The following PNPLA7 variants were observed in gnomAD, a reference collection of about 807,000 sequenced individuals.
PNPLA7 encodes patatin-like phospholipase domain-containing protein 7.
PNPLA7 carries 153 observed loss-of-function variants against 161.7 expected under a neutral mutation model. That is an observed-to-expected ratio of 0.95 (90% CI 0.83 to 1.08). PNPLA7 has a LOEUF of 1.08. Among genes scored for constraint, PNPLA7 ranks in the 50% least tolerant of loss-of-function variants. The pLI, the probability that PNPLA7 is intolerant of heterozygous loss-of-function variation, is 0.00. For synonymous variants in PNPLA7, 809 were observed against 782.1 expected (o/e 1.03, Z -0.57); for missense variants, 1,739 against 1,856.6 (o/e 0.94, Z 1.16).
chr9:137,536,315 G>A (rs1379470758), intron 8 of PNPLA7, among the ~76,000 whole-genome samples: 3 of 152,156 alleles, frequency 2.0e-5, no homozygotes, highest in Admixed American at 1.3e-4. Context: ...GGCCGAGAAA[G>A]CAGCAGCAAG....
chr9:137,509,214 G>C (rs1433889286), intron 12 of PNPLA7: 1 of 155,322 alleles, frequency 6.4e-6, no homozygotes, highest in African/African-American at 2.4e-5. Context: ...AGTGAGTTTA[G>C]CGGGTACGAG....
At position 137,507,606 on chromosome 9, in the gene PNPLA7, T is replaced by C. The variant is rs533252021; in HGVS notation, c.1226-1523A>G. On this transcript the variant is annotated intron_variant, in intron 12 of 34. Coordinates refer to ENST00000406427, the MANE Select transcript of PNPLA7 (RefSeq NM_001098537.3). ...ATCCCTTGAACCCAGGAGGCAGAGG[T>C]TGCGGTGAGCTGAGATCGCACCATT... Among the ~76,000 whole-genome samples, 66 of 151,872 alleles carry C rather than the reference T, an allele frequency of 4.3e-4. 1 individual carries two copies. The highest frequency in any genetic ancestry group is 9.1e-4 in the Non-Finnish European group (62 of 67,922).
Position 137,464,111 on chromosome 9 carries a change from A to C in PNPLA7, c.3226+15T>G. On this transcript the variant is annotated intron_variant, in intron 28 of 34. Coordinates refer to ENST00000406427, the MANE Select transcript of PNPLA7 (RefSeq NM_001098537.3). ...TCGCACCCAAGCGGCCGCCCTGCGC[A>C]GCAGGAGTGCTCACCGTCGGTGTGG... is the stretch of plus-strand genomic sequence containing the variant. The C allele has an allele frequency of 1.2e-6, 2 of 1,612,732 alleles. No homozygotes were observed. The highest frequency in any genetic ancestry group is 1.7e-6 in the Non-Finnish European group (2 of 1,179,584).
At chr9:137,521,768 G>T (rs375899122) in intron 9 of PNPLA7, 52 bp from the exon 10 acceptor site, 44 of 1,532,462 alleles carry the variant, frequency 2.9e-5, no homozygotes, top group Admixed American at 2.7e-4. Flanking sequence ...GTACAGGGCG[G>T]GCCCCCGGCA....
intron 26 of PNPLA7, 120 bp from the exon 27 acceptor site, chr9:137,464,576 C>A: frequency 1.1e-6 from 1 of 935,722 alleles, no homozygotes; most frequent in Non-Finnish European, 1.7e-6. Context: ...GTCCTTGGGC[C>A]CCACCCACGG....
chr9:137,543,375 G>A lies in PNPLA7; in HGVS notation c.506+57C>T. The A allele has an allele frequency of 6.2e-7, 1 of 1,607,704 alleles. No individual in the cohort carries two copies. Among genetic ancestry groups the A allele is most frequent in the South Asian group, 1.1e-5 (1 of 90,538 alleles). On this transcript the variant is annotated intron_variant, in intron 6 of 34. Coordinates refer to ENST00000406427, the MANE Select transcript of PNPLA7 (RefSeq NM_001098537.3). This position sits in a 1 kb window ranked among gnomAD's most constrained non-coding sequence, Gnocchi z 6.9. ...GGCCAAGCTGGAGCCAGGCCCCAGC[G>A]AGAAGCCCGGGGCTATGGGAGCTGC...
chr9:137,484,609 C>T lies in PNPLA7; in HGVS notation c.2325G>A (p.Leu775=), dbSNP rs771946477. ...TACCGATGGCGCTGAGGGCATGCTCCAGCTCCAGGGCGAAGGCGGTGAGGG... is the reference window on the plus strand; with the variant it reads ...TACCGATGGCGCTGAGGGCATGCTCTAGCTCCAGGGCGAAGGCGGTGAGGG... ...EVPLTAFALE[L]EHALSAIGPT... The change falls in exon 21 of 35, where the codon CTG becomes CTA. Residue 775 remains leucine (L), a synonymous_variant. Transcript: ENST00000406427. The T allele has an allele frequency of 6.2e-7, 1 of 1,610,980 alleles. No individual in the cohort carries two copies. The highest frequency in any genetic ancestry group is 1.7e-5 in the Admixed American group (1 of 59,844).
chr9:137,461,730 G>A (rs966393212), intron 32 of PNPLA7, 110 bp from the exon 33 acceptor site: 2 of 1,249,992 alleles, frequency 1.6e-6, no homozygotes, highest in Non-Finnish European at 2.2e-6. Context: ...TGCAGCCTCC[G>A]CCTGCCCCCC....
intron 25 of PNPLA7, among the ~76,000 whole-genome samples, chr9:137,473,911 A>C (rs1748665887): frequency 6.6e-6 from 1 of 152,192 alleles, no homozygotes; most frequent in Non-Finnish European, 1.5e-5. Flanking sequence ...GCATTTGCCC[A>C]AGAGGAAAGG....
rs929535575 is a variant in PNPLA7 at position 137,541,444 on chromosome 9, C to A, written c.667-722G>T. Reference sequence around the variant, plus strand: ...GAGAACCAAATAATTTGCCCAGCAGCGCTTTTGGTCTAGAAACCCCGACAG... The same window carrying A: ...GAGAACCAAATAATTTGCCCAGCAGAGCTTTTGGTCTAGAAACCCCGACAG... On this transcript the variant is annotated intron_variant, in intron 7 of 34. Coordinates refer to ENST00000406427, the MANE Select transcript of PNPLA7 (RefSeq NM_001098537.3). The surrounding 1 kb of genome is among the most constrained non-coding windows in gnomAD (Gnocchi z 4.4). 2.0e-6 allele frequency: 2 copies of A among 985,360 alleles called. No homozygotes were observed. The highest frequency in any genetic ancestry group is 2.4e-6 in the Non-Finnish European group (2 of 829,944). The allele number at this position is 985,360 out of a possible 1,614,324, so 61.0% of individuals were successfully genotyped here. A position where few individuals can be genotyped will look rare whatever the true frequency, so the allele number is the denominator to read the frequency against.
At chr9:137,509,764 C>G (rs1369871012) in intron 12 of PNPLA7, 3 of 455,116 alleles carry the variant, frequency 6.6e-6, no homozygotes, top group African/African-American at 6.0e-5. Context: ...ACGCTGGTGT[C>G]TGTGGGCGGC....
rs1477946885 is a variant in PNPLA7, at chr9:137,467,314, T to C, written c.3039+3A>G. 6.2e-7 allele frequency: 1 copy of C among 1,611,760 alleles called. No homozygotes were observed. Among genetic ancestry groups the C allele is most frequent in the Non-Finnish European group, 8.5e-7 (1 of 1,179,106 alleles). Reference sequence around the variant, plus strand: ...CCGGTGAGGGTGATGGGTGCCTGCTTACCTCGGCCCACTGCTTGGCCCGGA... The same window carrying C: ...CCGGTGAGGGTGATGGGTGCCTGCTCACCTCGGCCCACTGCTTGGCCCGGA... On this transcript the variant is annotated splice_donor_region_variant and intron_variant, in intron 26 of 34. Coordinates refer to ENST00000406427, the MANE Select transcript of PNPLA7 (RefSeq NM_001098537.3). The surrounding 1 kb of genome is among the most constrained non-coding windows in gnomAD (Gnocchi z 5.1).
At chr9:137,522,005 C>T (rs1193325466) in intron 9 of PNPLA7, among the ~76,000 whole-genome samples, 2 of 152,186 alleles carry the variant, frequency 1.3e-5, no homozygotes, top group African/African-American at 4.8e-5. Context: ...ATGTAAAAAT[C>T]TCTTTGGGGG....
Position 137,519,961 on chromosome 9 carries a change from T to C in PNPLA7, c.1040A>G (p.Glu347Gly). ...AKKQVFYGEE[E>G]RLKKPPRLQE... is the part of the protein sequence containing the mutation. ...GAGCCGCGGTGGCTTTTTAAGCCGC[T>C]CTTCTTCGCCATAGAACACCTGCTT... is the stretch of plus-strand genomic sequence containing the variant. The change falls in exon 11 of 35, where the codon GAG becomes GGG. Residue 347 changes from glutamate to glycine, a missense_variant. By Grantham distance (98) the Glu-to-Gly change is moderately conservative (BLOSUM62 -2). Coordinates refer to ENST00000406427, the MANE Select transcript of PNPLA7 (RefSeq NM_001098537.3). 1 of 1,612,810 alleles carries C rather than the reference T, an allele frequency of 6.2e-7. No individual in the cohort carries two copies. Among genetic ancestry groups the C allele is most frequent in the Non-Finnish European group, 8.5e-7 (1 of 1,179,864 alleles).
At chr9:137,518,365 TCATTC>T in intron 11 of PNPLA7, among the ~76,000 whole-genome samples, 1 of 75,058 alleles carries the variant, frequency 1.3e-5, no homozygotes, top group Non-Finnish European at 2.5e-5. Context: ...CCCCACTCAC[TCATTC>T]CACTCTGTCC....
intron 14 of PNPLA7, among the ~76,000 whole-genome samples, chr9:137,504,756 A>C (rs949102597): frequency 6.6e-6 from 1 of 152,146 alleles, no homozygotes; most frequent in African/African-American, 2.4e-5. Flanking sequence ...CGTGTTGGAG[A>C]TTTTTGAGAC....
intron 25 of PNPLA7, among the ~76,000 whole-genome samples, chr9:137,475,218 T>C (rs2132117631): frequency 6.7e-6 from 1 of 149,712 alleles, no homozygotes; most frequent in African/African-American, 2.5e-5. Context: ...ATACCAAGAG[T>C]GCAGAGTCTC....
In PNPLA7 at chr9:137,499,294, G is replaced by A. The variant is rs148910776; in HGVS notation, c.1758-1049C>T. ...CATGTAGACACAGAGACAGACACAC[G>A]GACACATGCAGACACATGGAGACAC... On this transcript the variant is annotated intron_variant, in intron 16 of 34. Transcript: ENST00000406427. The surrounding 1 kb of genome is among the most constrained non-coding windows in gnomAD (Gnocchi z 5.5). Among the ~76,000 whole-genome samples the A allele has an allele frequency of 2.2e-3, 326 of 151,012 alleles. No homozygotes were observed. Among genetic ancestry groups the A allele is most frequent in the Non-Finnish European group, 3.4e-3 (232 of 67,712 alleles).
At chr9:137,475,518 G>A (rs894735584) in intron 25 of PNPLA7, among the ~76,000 whole-genome samples, 44 of 152,176 alleles carry the variant, frequency 2.9e-4, no homozygotes, top group African/African-American at 9.2e-4. Flanking sequence ...GCGACTACAG[G>A]CGCCCGCCAC....
Sources: allele counts gnomAD v4.1 joint callset (sites outside exome capture counted in the v4.1 genomes callset), GRCh38; gene constraint gnomAD v4.1.1; non-coding constraint Gnocchi (gnomAD v3.1); transcripts MANE v1.5; gene names NCBI Gene and HGNC (gene_info 2026-07-23, HGNC 2026-07-21).